MDGA1: variants seen among roughly 807,000 people sequenced by gnomAD.
MDGA1 encodes the protein MAM domain containing glycosylphosphatidylinositol anchor 1, also known as MAM domain-containing glycosylphosphatidylinositol anchor protein 1.
In MDGA1, 54 loss-of-function variants were observed where a neutral mutation model predicts 101.5. That is an observed-to-expected ratio of 0.53 (90% CI 0.43 to 0.67). The LOEUF is 0.67. Among genes scored for constraint, MDGA1 ranks in the 30% least tolerant of loss-of-function variants. MDGA1 has a pLI of 0.00. For synonymous variants in MDGA1, 533 were observed against 558.3 expected (o/e 0.95, Z 0.64); for missense variants, 1,083 against 1,323.8 (o/e 0.82, Z 2.82).
chr6:37,663,575 CT>C (rs1440557002), intron 2 of MDGA1, among the ~76,000 whole-genome samples: 1 of 152,226 alleles, frequency 6.6e-6, no homozygotes, highest in Non-Finnish European at 1.5e-5. Flanking sequence ...TCACTAATGC[CT>C]TCCTCACTGC....
At chr6:37,644,107 ACCCCACGCATCCTGCCTCAC>A (rs1227541012) in intron 13 of MDGA1, among the ~76,000 whole-genome samples, 164 bp from the exon 14 acceptor site, 703 of 29,236 alleles carry the variant, frequency 0.024, 15 homozygotes, top group African/African-American at 0.046. Context: ...ATCCTGCCTC[ACCCCACGCATCCTGCCTCAC>A]CCCCACGCAT....
Position 37,632,279 on chromosome 6 carries a change from A to G in MDGA1, c.*5089T>C, listed in dbSNP as rs2113985122. 1 of 152,406 alleles carries G rather than the reference A, an allele frequency of 6.6e-6. No individual in the cohort carries two copies. The highest frequency in any genetic ancestry group is 2.4e-5 in the African/African-American group (1 of 41,574). 9.4% of individuals were successfully genotyped at this position (152,406 alleles called of 1,614,324 possible). On this transcript the variant is annotated 3_prime_UTR_variant, in exon 17 of 17. Coordinates refer to ENST00000434837, the MANE Select transcript of MDGA1 (RefSeq NM_153487.4). ...TTACTGTCCATCTCTCCCATTAAAC[A>G]GGGGCTTCCACAAAGGCAGTGTTTG... is the stretch of plus-strand genomic sequence containing the variant.
chr6:37,677,017 A>T (rs1045999203), intron 1 of MDGA1, among the ~76,000 whole-genome samples: 7 of 152,190 alleles, frequency 4.6e-5, no homozygotes, highest in Non-Finnish European at 8.8e-5. Flanking sequence ...GAGGCCAATA[A>T]CATTAGGCTT....
rs1488217705 is a variant in MDGA1 at position 37,635,127 on chromosome 6, T to C, written c.*2241A>G. 2 of 211,634 alleles carry C rather than the reference T, an allele frequency of 9.5e-6. No homozygotes were observed. The highest frequency in any genetic ancestry group is 1.0e-4 in the East Asian group (1 of 9,658). The allele number at this position is 211,634 out of a possible 1,614,324, so 13.1% of individuals were successfully genotyped here. A position where few individuals can be genotyped will look rare whatever the true frequency, so the allele number is the denominator to read the frequency against. On this transcript the variant is annotated 3_prime_UTR_variant, in exon 17 of 17. Coordinates refer to ENST00000434837, the MANE Select transcript of MDGA1 (RefSeq NM_153487.4). ...CAAGGAGCTTTTCAACATTTCTTGA[T>C]GTCCGACTGCGCTCCAGTCCAATTA...
At chr6:37,647,504 G>A (rs1286974563) in intron 9 of MDGA1, among the ~76,000 whole-genome samples, 180 bp from the exon 10 acceptor site, 2 of 152,024 alleles carry the variant, frequency 1.3e-5, no homozygotes, top group Admixed American at 6.6e-5. Context: ...TGGGGAAAAC[G>A]AGGATGGGAT....
At chr6:37,660,900 T>C (rs1761608812) in intron 2 of MDGA1, among the ~76,000 whole-genome samples, 2 of 152,234 alleles carry the variant, frequency 1.3e-5, no homozygotes, top group Non-Finnish European at 2.9e-5. Context: ...GTATAGGTGG[T>C]TGCCTATACC....
chr6:37,654,987 C>G, intron 4 of MDGA1, 55 bp from the exon 5 acceptor site: 1 of 1,596,848 alleles, frequency 6.3e-7, no homozygotes, highest in Non-Finnish European at 8.5e-7. Flanking sequence ...CCAGGGATCC[C>G]GCATACTCAT....
chr6:37,671,267 A>G (rs1247356992), intron 1 of MDGA1, among the ~76,000 whole-genome samples: 1 of 152,200 alleles, frequency 6.6e-6, no homozygotes, highest in Non-Finnish European at 1.5e-5. Flanking sequence ...AAGGCTCTGA[A>G]AAGTCCTGCA....
chr6:37,646,448 A>G, intron 10 of MDGA1, 73 bp from the exon 11 acceptor site: 4 of 1,331,030 alleles, frequency 3.0e-6, no homozygotes, highest in Non-Finnish European at 3.9e-6. Flanking sequence ...AGACAGGACA[A>G]TCACCCCTTC....
intron 1 of MDGA1, among the ~76,000 whole-genome samples, chr6:37,687,544 G>A (rs1762222375): frequency 6.6e-6 from 1 of 152,130 alleles, no homozygotes; most frequent in South Asian, 2.1e-4. Flanking sequence ...TCTCCAGCCT[G>A]CAAGACAGTG....
chr6:37,691,922 G>C (rs1762315653), intron 1 of MDGA1, among the ~76,000 whole-genome samples: 1 of 152,212 alleles, frequency 6.6e-6, no homozygotes, highest in African/African-American at 2.4e-5. Context: ...GAGCCCACTA[G>C]GCTAAGCTGA....
At chr6:37,694,536 G>C (rs73730804) in intron 1 of MDGA1, among the ~76,000 whole-genome samples, 1,593 of 152,246 alleles carry the variant, frequency 0.01, 19 homozygotes, top group African/African-American at 0.032. Context: ...TGCTGGGGAG[G>C]GGGGCAGAAG....
chr6:37,681,001 C>CG (rs1554136928), intron 1 of MDGA1, among the ~76,000 whole-genome samples: 1 of 143,058 alleles, frequency 7.0e-6, no homozygotes, highest in East Asian at 2.1e-4. Flanking sequence ...CCTCAGCCCC[C>CG]CCCCCCCAGG....
At chr6:37,642,787 CAT>C (rs1764121452) in intron 14 of MDGA1, among the ~76,000 whole-genome samples, 2 of 152,170 alleles carry the variant, frequency 1.3e-5, no homozygotes, top group African/African-American at 4.8e-5. Flanking sequence ...TGGCTGGTAG[CAT>C]GAGTTGTTTA....
chr6:37,692,437 G>A (rs986539707), intron 1 of MDGA1, among the ~76,000 whole-genome samples: 13 of 151,928 alleles, frequency 8.6e-5, no homozygotes, highest in East Asian at 1.9e-4. Flanking sequence ...GAGGGGGGCA[G>A]GGGGGAGTGG....
chr6:37,677,854 A>G (rs1762014354), intron 1 of MDGA1, among the ~76,000 whole-genome samples: 1 of 152,110 alleles, frequency 6.6e-6, no homozygotes, highest in Non-Finnish European at 1.5e-5. Flanking sequence ...ACCCCCTCCG[A>G]CCTCGGGTCA....
chr6:37,656,512 A>G (rs909438688), intron 3 of MDGA1, among the ~76,000 whole-genome samples: 5 of 151,972 alleles, frequency 3.3e-5, no homozygotes, highest in Non-Finnish European at 4.4e-5. Flanking sequence ...AACTGGGACT[A>G]CAGGCATGCA....
intron 2 of MDGA1, among the ~76,000 whole-genome samples, chr6:37,659,421 C>CTAT (rs778346760): frequency 2.0e-5 from 3 of 152,174 alleles, no homozygotes; most frequent in Non-Finnish European, 4.4e-5. Flanking sequence ...CAACAAATTT[C>CTAT]TATTATTATT....
At position 37,696,678 on chromosome 6, in the gene MDGA1, A is replaced by T; in HGVS notation, c.67+67T>A. 1 of 1,457,766 alleles carries T rather than the reference A, an allele frequency of 6.9e-7. No homozygotes were observed. The highest frequency in any genetic ancestry group is 9.4e-7 in the Non-Finnish European group (1 of 1,061,630). The allele number at this position is 1,457,766 out of a possible 1,614,324, so 90.3% of individuals were successfully genotyped here. A position where few individuals can be genotyped will look rare whatever the true frequency, so the allele number is the denominator to read the frequency against. ...TCTCCACCAAACCCCGGCAGCGCGC[A>T]CTTTGCGCCTCTTGCAAAGTTTCCG... On this transcript the variant is annotated intron_variant, in intron 1 of 16. Coordinates refer to ENST00000434837, the MANE Select transcript of MDGA1 (RefSeq NM_153487.4). This position sits in a 1 kb window ranked among gnomAD's most constrained non-coding sequence, Gnocchi z 5.6.
Sources: allele counts gnomAD v4.1 joint callset (sites outside exome capture counted in the v4.1 genomes callset), GRCh38; gene constraint gnomAD v4.1.1; non-coding constraint Gnocchi (gnomAD v3.1); transcripts MANE v1.5; gene names NCBI Gene and HGNC (gene_info 2026-07-23, HGNC 2026-07-21).